The following TTYH2 variants were observed in gnomAD, a reference collection of about 807,000 sequenced individuals.
TTYH2 encodes tweety family member 2.
A neutral mutation model predicts 68.3 loss-of-function variants in TTYH2; 49 were observed. The observed-to-expected ratio is 0.72, with a 90% CI of 0.57 to 0.91. TTYH2 has a LOEUF of 0.91. TTYH2 is among the 40% of genes least tolerant of loss of function. The probability of loss-of-function intolerance (pLI) is 0.00; values close to 1 mark genes in which losing one functional copy is unlikely to be tolerated. For missense variants in TTYH2, 631 were observed against 700.4 expected (o/e 0.90, Z 1.12); for synonymous variants, 272 against 300.8 (o/e 0.90, Z 0.99).
rs2050398738 is a variant in TTYH2, at chr17:74,232,382, T to G, written c.414+1383T>G. On this transcript the variant is annotated intron_variant, in intron 3 of 13. Coordinates refer to ENST00000269346, the MANE Select transcript of TTYH2 (RefSeq NM_032646.6). The surrounding 1 kb of genome is among the most constrained non-coding windows in gnomAD (Gnocchi z 5.1). ...TACAAAACCAGGGGCCCTGGTCCTT[T>G]GCAGAGTTCATTCCACCGCCCGTGT... Among the ~76,000 whole-genome samples the G allele has an allele frequency of 6.6e-6, 1 of 152,180 alleles. No individual in the cohort carries two copies. Among genetic ancestry groups the G allele is most frequent in the Non-Finnish European group, 1.5e-5 (1 of 68,016 alleles).
intron 4 of TTYH2, among the ~76,000 whole-genome samples, chr17:74,238,215 T>G (rs2050463512): frequency 6.6e-6 from 1 of 152,098 alleles, no homozygotes; most frequent in South Asian, 2.1e-4. Flanking sequence ...TGGGACAGGA[T>G]TTCTTGTATC....
Position 74,253,173 on chromosome 17 carries a change from A to G in TTYH2, c.1352A>G (p.His451Arg). Residue 451 changes from histidine (H) to arginine (R), a missense_variant, in exon 12 of 14, where the codon CAC (histidine) becomes CGC (arginine). Transcript: ENST00000269346. ...CACAGTCCCCCGAGGGGACAGCTTC[A>G]CAGCTTCTGCAGCTACAGCAGTGGC... ...AAHSPPRGQL[H>R]SFCSYSSGLG... is the part of the protein sequence containing the mutation. 6.2e-7 allele frequency: 1 copy of G among 1,614,026 alleles called. No homozygotes were observed. The highest frequency in any genetic ancestry group is 1.7e-5 in the Admixed American group (1 of 60,000).
intron 3 of TTYH2, among the ~76,000 whole-genome samples, chr17:74,236,407 C>T (rs973400630): frequency 6.6e-6 from 1 of 152,180 alleles, no homozygotes; most frequent in Non-Finnish European, 1.5e-5. Context: ...GTCTGTTTCT[C>T]TAAAAGAGAA....
At chr17:74,255,703 C>G (rs2050686819) in intron 13 of TTYH2, among the ~76,000 whole-genome samples, 1 of 152,044 alleles carries the variant, frequency 6.6e-6, no homozygotes, top group Non-Finnish European at 1.5e-5. Flanking sequence ...TCCCAAAGTG[C>G]TGGGATTACA....
At position 74,249,353 on chromosome 17, in the gene TTYH2, G is replaced by T. The variant is rs201090591; in HGVS notation, c.884G>T (p.Arg295Leu). The change falls in exon 8 of 14, where the codon CGC (arginine) becomes CTC (leucine). Residue 295 changes from arginine to leucine, a missense_variant. Transcript: ENST00000269346. Reference protein sequence around the residue: ...TEGQISTEVTRYYLYCSQSGS... With the variant: ...TEGQISTEVTLYYLYCSQSGS... ...TGCCGTTGCCCTGCAGAGGTGACTC[G>T]CTACTACCTGTATTGCAGCCAGAGT... 1 of 1,614,104 alleles carries T rather than the reference G, an allele frequency of 6.2e-7. No homozygotes were observed. Among genetic ancestry groups the T allele is most frequent in the East Asian group, 2.2e-5 (1 of 44,884 alleles).
At chr17:74,251,242 GGTGTGTGGTGTGTGCGT>G (rs931954756) in intron 10 of TTYH2, among the ~76,000 whole-genome samples, 1 of 150,946 alleles carries the variant, frequency 6.6e-6, no homozygotes, top group African/African-American at 2.4e-5. Flanking sequence ...GTGTGTGTGG[GGTGTGTGGTGTGTGCGT>G]GTGTGTGGTG....
intron 13 of TTYH2, among the ~76,000 whole-genome samples, chr17:74,255,343 G>C (rs1567822627): frequency 6.6e-6 from 1 of 152,216 alleles, no homozygotes; most frequent in Non-Finnish European, 1.5e-5. Flanking sequence ...CAGAGCGTAC[G>C]TGCGAAGCAT....
intron 4 of TTYH2, among the ~76,000 whole-genome samples, chr17:74,242,166 G>T (rs2143757880): frequency 6.6e-6 from 1 of 152,202 alleles, no homozygotes; most frequent in Non-Finnish European, 1.5e-5. Flanking sequence ...TCCCAGCTGG[G>T]GTGTGACTGC....
rs72848252 is a variant in TTYH2, at chr17:74,217,818, C to T, written c.129+4102C>T. On this transcript the variant is annotated intron_variant, in intron 1 of 13. Transcript: ENST00000269346. The surrounding 1 kb of genome is among the most constrained non-coding windows in gnomAD (Gnocchi z 4.0). ...CCAACTTGGGTCCCAGCTTGGCACT[C>T]TCCGCTCTGGGTTTTTCATGACACA... Among the ~76,000 whole-genome samples, 1,470 of 152,296 alleles carry T rather than the reference C, an allele frequency of 9.7e-3. 14 individuals carry two copies. Among genetic ancestry groups the T allele is most frequent in the Non-Finnish European group, 0.014 (982 of 68,022 alleles).
chr17:74,243,227 C>T, intron 4 of TTYH2, 147 bp from the exon 5 acceptor site: 3 of 673,900 alleles, frequency 4.5e-6, no homozygotes, highest in East Asian at 5.4e-5. Flanking sequence ...CTTCAGCCCA[C>T]GCATGCTGGG....
At chr17:74,226,252 C>A (rs746328393) in intron 2 of TTYH2, among the ~76,000 whole-genome samples, 11 of 152,292 alleles carry the variant, frequency 7.2e-5, no homozygotes, top group Non-Finnish European at 1.2e-4. Flanking sequence ...CCATAGGAAG[C>A]ACAGAGTGAG....
Position 74,241,060 on chromosome 17 carries a change from G to A in TTYH2, c.636-2314G>A, listed in dbSNP as rs893343213. The A allele has an allele frequency of 2.6e-5, 4 of 152,260 alleles. No homozygotes were observed. The highest frequency in any genetic ancestry group is 9.7e-5 in the African/African-American group (4 of 41,438). The allele number at this position is 152,260 out of a possible 1,614,324, so 9.4% of individuals were successfully genotyped here. ...TAGCTGGCTGTGTCCCTTGCAGGAA[G>A]CTTGATGTAGACAATGTGGAATTTC... is the stretch of plus-strand genomic sequence containing the variant. On this transcript the variant is annotated intron_variant, in intron 4 of 13. Transcript: ENST00000269346. This position sits in a 1 kb window ranked among gnomAD's most constrained non-coding sequence, Gnocchi z 4.1.
intron 10 of TTYH2, among the ~76,000 whole-genome samples, chr17:74,251,436 T>C (rs574044677): frequency 3.9e-5 from 6 of 152,056 alleles, no homozygotes; most frequent in African/African-American, 7.2e-5. Context: ...GAGTCCCGAG[T>C]TGGCACATCA....
chr17:74,245,030 G>C (rs190677119), intron 6 of TTYH2, among the ~76,000 whole-genome samples: 194 of 152,300 alleles, frequency 1.3e-3, no homozygotes, highest in African/African-American at 4.5e-3. Context: ...GGCTTGATAG[G>C]ATAAGATGGG....
At chr17:74,235,922 A>G (rs1416077667) in intron 3 of TTYH2, among the ~76,000 whole-genome samples, 1 of 151,698 alleles carries the variant, frequency 6.6e-6, no homozygotes, top group Non-Finnish European at 1.5e-5. Flanking sequence ...CAAAAAAGAG[A>G]AAGAAAGAAA....
intron 1 of TTYH2, among the ~76,000 whole-genome samples, chr17:74,216,769 G>A (rs992504942): frequency 1.3e-5 from 2 of 152,266 alleles, no homozygotes; most frequent in Non-Finnish European, 2.9e-5. Flanking sequence ...TGGGCTGCCA[G>A]ATGTGGCTGT....
At chr17:74,233,074 C>T (rs1187216070) in intron 3 of TTYH2, among the ~76,000 whole-genome samples, 2 of 152,238 alleles carry the variant, frequency 1.3e-5, no homozygotes, top group African/African-American at 4.8e-5. Context: ...CCCTCGTCCT[C>T]TCCGTTGTTA....
intron 6 of TTYH2, among the ~76,000 whole-genome samples, chr17:74,245,827 C>T (rs1039895694): frequency 6.6e-6 from 1 of 152,194 alleles, no homozygotes; most frequent in Non-Finnish European, 1.5e-5. Context: ...CAATGCCACC[C>T]TGCTCTCTGA....
intron 6 of TTYH2, among the ~76,000 whole-genome samples, chr17:74,244,303 C>T (rs1442979952): frequency 6.6e-6 from 1 of 152,228 alleles, no homozygotes; most frequent in East Asian, 1.9e-4. Flanking sequence ...AGAGAAGCCC[C>T]CGGCTGCCCA....
Sources: gnomAD v4.1 joint callset for allele counts (sites outside exome capture counted in the v4.1 genomes callset) on GRCh38, gnomAD v4.1.1 for gene constraint, Gnocchi (gnomAD v3.1) non-coding constraint, MANE v1.5 for transcripts, NCBI Gene and HGNC (gene_info 2026-07-23, HGNC 2026-07-21) for gene names.